RGS6: variants seen among roughly 807,000 people sequenced by gnomAD.
RGS6 encodes regulator of G protein signaling 6.
A neutral mutation model predicts 78.5 loss-of-function variants in RGS6; 30 were observed. That is an observed-to-expected ratio of 0.38 (90% CI 0.29 to 0.52). The LOEUF (loss-of-function observed/expected upper bound fraction) is 0.52. Among genes scored for constraint, RGS6 ranks in the 20% least tolerant of loss-of-function variants. The probability of loss-of-function intolerance (pLI) is 0.85; values close to 1 mark genes in which losing one functional copy is unlikely to be tolerated. For missense variants in RGS6, 495 were observed against 609.7 expected (o/e 0.81, Z 1.98); for synonymous variants, 206 against 206.0 (o/e 1.00, Z 0.00).
chr14:72,340,825 A>G (rs577680045), intron 2 of RGS6, among the ~76,000 whole-genome samples: 40 of 152,282 alleles, frequency 2.6e-4, no homozygotes, highest in South Asian at 1.2e-3. Flanking sequence ...CTTCTGTCCC[A>G]TGCAGAGCAG....
chr14:72,011,340 G>A (rs1396493479), intron 2 of RGS6, among the ~76,000 whole-genome samples: 2 of 152,092 alleles, frequency 1.3e-5, no homozygotes, highest in Admixed American at 6.5e-5. Context: ...TGGATCTTTC[G>A]AAAGTGAAAT....
At chr14:72,579,089 A>G in the RGS6 span, among the ~76,000 whole-genome samples, 1 of 152,154 alleles carries the variant, frequency 6.6e-6, no homozygotes, top group East Asian at 1.9e-4. Flanking sequence ...TCCCAAAGTC[A>G]GTCAGTCAGT....
At chr14:72,015,251 A>G (rs987590940) in intron 2 of RGS6, among the ~76,000 whole-genome samples, 1 of 152,196 alleles carries the variant, frequency 6.6e-6, no homozygotes, top group Non-Finnish European at 1.5e-5. Context: ...GGGAGGTGCC[A>G]GGCTCCTTTC....
chr14:71,985,519 G>T (rs1412561835), intron 2 of RGS6, among the ~76,000 whole-genome samples: 1 of 152,140 alleles, frequency 6.6e-6, no homozygotes, highest in Non-Finnish European at 1.5e-5. Context: ...AAAATTCCTA[G>T]GTCAAAATGC....
chr14:71,969,511 C>G (rs2093689423), intron 2 of RGS6, among the ~76,000 whole-genome samples: 1 of 152,152 alleles, frequency 6.6e-6, no homozygotes, highest in African/African-American at 2.4e-5. Flanking sequence ...ATGTCACACT[C>G]TGGATGTCTT....
chr14:72,550,338 G>T lies in RGS6; in HGVS notation c.1422+10244G>T, dbSNP rs2097486386. On this transcript the variant is annotated intron_variant, in intron 17 of 17. Coordinates refer to ENST00000553525, the MANE Select transcript of RGS6 (RefSeq NM_001204424.2). ...TAAGAGGTGGGGGAGAGGGAAGGCA[G>T]GGAGGCAGAGGGCACCTGTACTTAG... 8.9e-6 allele frequency: 7 copies of T among 788,820 alleles called. No homozygotes were observed. In the East Asian group the frequency reaches 1.9e-4, roughly 21 times the overall value. The allele number at this position is 788,820 out of a possible 1,614,324, so 48.9% of individuals were successfully genotyped here.
chr14:72,605,551 T>C, the RGS6 span, among the ~76,000 whole-genome samples: 1 of 152,174 alleles, frequency 6.6e-6, no homozygotes. Context: ...GCGCTGATGG[T>C]TCAAAACACG....
chr14:72,423,087 G>T (rs2094272525), intron 3 of RGS6, among the ~76,000 whole-genome samples: 2 of 152,244 alleles, frequency 1.3e-5, no homozygotes, highest in Admixed American at 1.3e-4. Flanking sequence ...GAGTCAGAGA[G>T]TTGAGTCACG....
chr14:72,616,422 T>C, the RGS6 span, among the ~76,000 whole-genome samples: 4 of 152,176 alleles, frequency 2.6e-5, no homozygotes, highest in African/African-American at 9.6e-5. Flanking sequence ...ATGATTTCCT[T>C]GGTCGCAGCC....
chr14:72,119,019 T>A (rs1597889562), intron 2 of RGS6, among the ~76,000 whole-genome samples: 3 of 152,296 alleles, frequency 2.0e-5, no homozygotes, highest in Admixed American at 2.0e-4. Flanking sequence ...AGATATTATC[T>A]ATTTTTGTGT....
intron 2 of RGS6, among the ~76,000 whole-genome samples, chr14:72,225,658 A>C (rs1004705064): frequency 1.3e-5 from 2 of 152,168 alleles, no homozygotes; most frequent in Admixed American, 1.3e-4. Context: ...AAAAAGAAAA[A>C]TCAAACTTCC....
rs112969289 is a variant in RGS6 at position 72,446,955 on chromosome 14, A to G, written c.185-7573A>G. Among the ~76,000 whole-genome samples, 113 of 152,010 alleles carry G rather than the reference A, an allele frequency of 7.4e-4. 1 individual carries two copies. Among genetic ancestry groups the G allele is most frequent in the African/African-American group, 2.5e-3 (102 of 41,458 alleles). On this transcript the variant is annotated intron_variant, in intron 3 of 17. Coordinates refer to ENST00000553525, the MANE Select transcript of RGS6 (RefSeq NM_001204424.2). ...ATGAAGCTTCACTTGCTCACCCGCC[A>G]CTCACCTCCTGTTGTGAGGCCTGGT...
At chr14:72,182,487 A>G (rs2097187458) in intron 2 of RGS6, among the ~76,000 whole-genome samples, 1 of 151,800 alleles carries the variant, frequency 6.6e-6, no homozygotes, top group African/African-American at 2.4e-5. Context: ...AACTCCAACC[A>G]AGCAAAATTT....
chr14:72,387,898 G>A (rs180741022), intron 3 of RGS6, among the ~76,000 whole-genome samples: 58 of 152,290 alleles, frequency 3.8e-4, no homozygotes, highest in African/African-American at 1.2e-3. Context: ...GTAGATGGCC[G>A]CCTTCTCACT....
chr14:72,170,359 T>C (rs1050231581), intron 2 of RGS6, among the ~76,000 whole-genome samples: 4 of 152,236 alleles, frequency 2.6e-5, no homozygotes, highest in Admixed American at 6.5e-5. Context: ...CAAACTTGCG[T>C]TCACCCTATA....
chr14:72,216,735 G>C (rs371829697), intron 2 of RGS6, among the ~76,000 whole-genome samples: 4 of 152,090 alleles, frequency 2.6e-5, no homozygotes, highest in Non-Finnish European at 5.9e-5. Flanking sequence ...AGCCTTGAAC[G>C]GCGCTGAGGT....
At chr14:71,931,311 A>AT (rs2087843897), upstream of RGS6, among the ~76,000 whole-genome samples, 1 of 150,578 alleles carries the variant, frequency 6.6e-6, no homozygotes, top group Admixed American at 6.6e-5. Context: ...CTTGTGTGTT[A>AT]TCCCATTCGA....
chr14:72,425,602 GT>G (rs1202053465), intron 3 of RGS6, among the ~76,000 whole-genome samples: 4 of 152,120 alleles, frequency 2.6e-5, no homozygotes, highest in Admixed American at 6.5e-5. Context: ...TAAAAACATA[GT>G]TATTTTCCTA....
intron 15 of RGS6, among the ~76,000 whole-genome samples, chr14:72,530,968 C>T (rs1406099158): frequency 7.8e-6 from 1 of 127,702 alleles, no homozygotes; most frequent in Non-Finnish European, 1.6e-5. Flanking sequence ...TGAGCCTGTG[C>T]TAGACAGTAT....
Sources: allele counts gnomAD v4.1 joint callset (sites outside exome capture counted in the v4.1 genomes callset), GRCh38; gene constraint gnomAD v4.1.1; transcripts MANE v1.5; gene names NCBI Gene and HGNC (gene_info 2026-07-23, HGNC 2026-07-21).